The following NRG3 variants were observed in gnomAD, a reference collection of about 807,000 sequenced individuals.
NRG3 encodes the protein pro-neuregulin-3, membrane-bound isoform.
NRG3 carries 31 observed loss-of-function variants against 66.9 expected under a neutral mutation model. The observed-to-expected ratio is 0.46, with a 90% confidence interval of 0.35 to 0.63. NRG3 has a LOEUF of 0.63. NRG3 is among the 20% of genes least tolerant of loss of function. The pLI, the probability that NRG3 is intolerant of heterozygous loss-of-function variation, is 0.00. For synonymous variants in NRG3, 393 were observed against 359.4 expected (o/e 1.09, Z -1.06); for missense variants, 910 against 878.9 (o/e 1.04, Z -0.45).
chr10:81,984,754 G>C (rs139607504), intron 1 of NRG3, among the ~76,000 whole-genome samples: 1 of 152,196 alleles, frequency 6.6e-6, no homozygotes, highest in African/African-American at 2.4e-5. Context: ...GAGACAGATA[G>C]ATATAGAGAT....
chr10:82,239,984 G>T (rs1385338516), intron 1 of NRG3, among the ~76,000 whole-genome samples: 1 of 151,874 alleles, frequency 6.6e-6, no homozygotes, highest in Non-Finnish European at 1.5e-5. Flanking sequence ...GAGTGTACTG[G>T]TATTTTTTTT....
intron 2 of NRG3, among the ~76,000 whole-genome samples, chr10:82,666,012 C>T (rs1427876536): frequency 6.6e-6 from 1 of 152,156 alleles, no homozygotes; most frequent in East Asian, 1.9e-4. Flanking sequence ...CAGGCATGTG[C>T]CACCATGCCC....
chr10:82,943,733 C>A (rs1398300219), intron 4 of NRG3, among the ~76,000 whole-genome samples: 2 of 152,192 alleles, frequency 1.3e-5, no homozygotes, highest in East Asian at 3.9e-4. Context: ...CACAGACATA[C>A]CCCAAAATAA....
chr10:82,736,669 T>G (rs1037494780), intron 2 of NRG3, among the ~76,000 whole-genome samples: 22 of 152,200 alleles, frequency 1.4e-4, no homozygotes, highest in Non-Finnish European at 2.8e-4. Context: ...CAGTTTAAGA[T>G]GGGAAAATTT....
chr10:82,871,838 A>C (rs1841371869), intron 4 of NRG3, among the ~76,000 whole-genome samples: 1 of 152,000 alleles, frequency 6.6e-6, no homozygotes, highest in African/African-American at 2.4e-5. Context: ...TGTTAACCTA[A>C]GCAATCAGGT....
intron 2 of NRG3, among the ~76,000 whole-genome samples, chr10:82,660,627 A>G (rs1365863547): frequency 6.6e-6 from 1 of 152,234 alleles, no homozygotes; most frequent in Non-Finnish European, 1.5e-5. Context: ...TAAACTTCAG[A>G]TAAAAATAAA....
intron 4 of NRG3, among the ~76,000 whole-genome samples, chr10:82,946,871 T>C (rs532222357): frequency 2.6e-5 from 4 of 152,292 alleles, no homozygotes; most frequent in African/African-American, 9.6e-5. Flanking sequence ...TAAAAAGCTA[T>C]GTATTATTTT....
intron 2 of NRG3, among the ~76,000 whole-genome samples, chr10:82,555,711 C>A (rs1358692555): frequency 2.0e-5 from 3 of 152,148 alleles, no homozygotes; most frequent in Non-Finnish European, 4.4e-5. Context: ...TCCTTTCATG[C>A]ATACTTGCTC....
chr10:82,852,547 A>T (rs1008386946), intron 3 of NRG3, among the ~76,000 whole-genome samples: 3 of 152,196 alleles, frequency 2.0e-5, no homozygotes, highest in African/African-American at 7.2e-5. Context: ...CAGTTTTCTC[A>T]TCTATAAAAT....
intron 1 of NRG3, among the ~76,000 whole-genome samples, chr10:81,955,887 A>C (rs985029632): frequency 6.6e-6 from 1 of 152,194 alleles, no homozygotes. Context: ...AATTATGTGT[A>C]ATAGACACCG....
chr10:81,916,415 CTG>C (rs1481470074), intron 1 of NRG3, among the ~76,000 whole-genome samples: 1 of 152,148 alleles, frequency 6.6e-6, no homozygotes, highest in Admixed American at 6.6e-5. Flanking sequence ...TGTTTGCTAA[CTG>C]TATGATACAG....
intron 2 of NRG3, among the ~76,000 whole-genome samples, chr10:82,567,315 A>G (rs1195757986): frequency 6.6e-6 from 1 of 151,980 alleles, no homozygotes; most frequent in Non-Finnish European, 1.5e-5. Context: ...TCCTAAATCT[A>G]CTGTCAGAAA....
chr10:82,100,279 A>T (rs982395897), intron 1 of NRG3, among the ~76,000 whole-genome samples: 1 of 151,852 alleles, frequency 6.6e-6, no homozygotes, highest in African/African-American at 2.4e-5. Flanking sequence ...TTTTTTGTGG[A>T]TGCCTTTGAA....
chr10:82,846,155 G>T (rs1385627891), intron 3 of NRG3, among the ~76,000 whole-genome samples: 1 of 152,036 alleles, frequency 6.6e-6, no homozygotes, highest in Non-Finnish European at 1.5e-5. Context: ...CATGTTTTTA[G>T]CTATGCAGCA....
intron 2 of NRG3, among the ~76,000 whole-genome samples, chr10:82,364,072 A>G (rs1228081680): frequency 6.6e-6 from 1 of 152,178 alleles, no homozygotes; most frequent in Non-Finnish European, 1.5e-5. Flanking sequence ...ACATCTCTAT[A>G]TTACACATAT....
rs540656716 is a variant in NRG3, at chr10:82,215,461, A to G, written c.824-143278A>G. Among the ~76,000 whole-genome samples, 3 of 152,284 alleles carry G rather than the reference A, an allele frequency of 2.0e-5. No homozygotes were observed. In the East Asian group the frequency reaches 5.8e-4, roughly 29 times the overall value. ...CCAATTAGAAATCTATTTATTTTTC[A>G]TCAGAAATGATCAATGCTACAAGTC... On this transcript the variant is annotated intron_variant, in intron 1 of 8. Coordinates refer to ENST00000372141, the MANE Select transcript of NRG3 (RefSeq NM_001010848.4).
At chr10:82,275,211 A>G (rs949295165) in intron 1 of NRG3, among the ~76,000 whole-genome samples, 2 of 152,054 alleles carry the variant, frequency 1.3e-5, no homozygotes, top group Non-Finnish European at 2.9e-5. Flanking sequence ...TGTTTAGTGT[A>G]GGTAATGCAG....
chr10:82,671,981 T>C (rs932593957), intron 2 of NRG3, among the ~76,000 whole-genome samples: 2 of 152,258 alleles, frequency 1.3e-5, no homozygotes, highest in South Asian at 2.1e-4. Context: ...TAAATGGTTA[T>C]GTTTCCCAAG....
chr10:82,406,357 C>T (rs764480406), intron 2 of NRG3, among the ~76,000 whole-genome samples: 2 of 152,134 alleles, frequency 1.3e-5, no homozygotes, highest in East Asian at 1.9e-4. Context: ...ATCTCTACAG[C>T]ACATTGTTGC....
Sources: allele counts gnomAD v4.1 joint callset (sites outside exome capture counted in the v4.1 genomes callset), GRCh38; gene constraint gnomAD v4.1.1; transcripts MANE v1.5; gene names NCBI Gene and HGNC (gene_info 2026-07-23, HGNC 2026-07-21).